MCF2L2: variants seen among roughly 807,000 people sequenced by gnomAD.
MCF2L2 encodes the protein MCF.2 cell line derived transforming sequence-like 2.
Under a neutral mutation model 150.2 loss-of-function variants are expected in MCF2L2, and 102 were observed. The ratio of observed to expected loss-of-function variants is 0.68; its 90% CI spans 0.58 to 0.80. MCF2L2 has a LOEUF of 0.80. Ranked by LOEUF, MCF2L2 falls within the 30% of genes least tolerant of loss-of-function variation. MCF2L2 has a pLI of 0.00. For missense variants in MCF2L2, 1,256 were observed against 1,372.8 expected, an observed-to-expected ratio of 0.91 and a Z score of 1.34; for synonymous variants, 465 against 491.3, an observed-to-expected ratio of 0.95 and a Z score of 0.71.
At chr3:183,395,568 T>C (rs1036191103) in intron 1 of MCF2L2, among the ~76,000 whole-genome samples, 1 of 152,170 alleles carries the variant, frequency 6.6e-6, no homozygotes. Context: ...GCCTTAAGCA[T>C]ACAGTTTGAG....
chr3:183,234,194 A>C (rs1168784488), intron 15 of MCF2L2, among the ~76,000 whole-genome samples: 1 of 143,780 alleles, frequency 7.0e-6, no homozygotes, highest in African/African-American at 2.6e-5. Flanking sequence ...GGAAAACCTG[A>C]GTACAATCAG....
In MCF2L2 at chr3:183,404,720, G is replaced by A. The variant is rs144324409; in HGVS notation, c.77-14941C>T. Among the ~76,000 whole-genome samples, 120 of 152,198 alleles carry A rather than the reference G, an allele frequency of 7.9e-4. 2 individuals carry two copies. Among genetic ancestry groups the A allele is most frequent in the African/African-American group, 2.6e-3 (107 of 41,540 alleles). On this transcript the variant is annotated intron_variant, in intron 1 of 29. Coordinates refer to ENST00000328913, the MANE Select transcript of MCF2L2 (RefSeq NM_015078.4). ...TACTAAAAATACAAAAAAATTAGCC[G>A]GGCATGGTGGTGGGCGCCTGTAATC...
At chr3:183,360,326 G>C (rs1464342690) in intron 3 of MCF2L2, among the ~76,000 whole-genome samples, 1 of 152,128 alleles carries the variant, frequency 6.6e-6, no homozygotes, top group African/African-American at 2.4e-5. Flanking sequence ...CCAGAACTCT[G>C]GGACTCTGAG....
Position 183,230,984 on chromosome 3 carries a change from C to A in MCF2L2, c.1896G>T (p.Glu632Asp). The A allele has an allele frequency of 6.2e-7, 1 of 1,613,968 alleles. No homozygotes were observed. The highest frequency in any genetic ancestry group is 1.3e-5 in the African/African-American group (1 of 75,032). Residue 632 changes from glutamate (E) to aspartate (D), a missense_variant, in exon 16 of 30, where the codon GAG becomes GAT. By Grantham distance (45) the Glu-to-Asp change is conservative. Coordinates refer to ENST00000328913, the MANE Select transcript of MCF2L2 (RefSeq NM_015078.4). ...RIIRDLLETEEIYIKEIKSII... is the reference protein window; with the variant it reads ...RIIRDLLETEDIYIKEIKSII... ...TGCTTTTAATCTCTTTTATGTAAAT[C>A]TCTTCAGTCTCAAGCAAGTCACGTA... is the stretch of plus-strand genomic sequence containing the variant.
At chr3:183,254,356 C>G (rs903607805) in intron 15 of MCF2L2, 5 of 152,044 alleles carry the variant, frequency 3.3e-5, no homozygotes, top group African/African-American at 1.2e-4. Context: ...GGAGGCCTCT[C>G]CCACCGCGGG....
chr3:183,261,721 C>T (rs1178042557), intron 15 of MCF2L2, among the ~76,000 whole-genome samples: 1 of 151,896 alleles, frequency 6.6e-6, no homozygotes. Context: ...AAAACCAGAG[C>T]TAGAATGGAA....
chr3:183,296,285 T>C (rs73884637), intron 12 of MCF2L2: 13,060 of 152,512 alleles, frequency 0.086, 1,489 homozygotes, highest in African/African-American at 0.26. Context: ...TCAAGTTATC[T>C]CCCTGCTTAA....
intron 2 of MCF2L2, among the ~76,000 whole-genome samples, chr3:183,388,645 G>A (rs1713964337): frequency 6.6e-6 from 1 of 152,176 alleles, no homozygotes; most frequent in South Asian, 2.1e-4. Context: ...CTGTATTTAT[G>A]GAGCTTTCAG....
chr3:183,188,410 T>C (rs1461060663), intron 27 of MCF2L2, among the ~76,000 whole-genome samples: 1 of 152,196 alleles, frequency 6.6e-6, no homozygotes, highest in Non-Finnish European at 1.5e-5. Flanking sequence ...ACAACTCATT[T>C]GACTTCTTGG....
chr3:183,179,355 A>C lies in MCF2L2; in HGVS notation c.*25T>G. 7.0e-7 allele frequency: 1 copy of C among 1,419,066 alleles called. No individual in the cohort carries two copies. The highest frequency in any genetic ancestry group is 9.2e-7 in the Non-Finnish European group (1 of 1,088,356). The allele number at this position is 1,419,066 out of a possible 1,614,324, so 87.9% of individuals were successfully genotyped here. A position where few individuals can be genotyped will look rare whatever the true frequency, so the allele number is the denominator to read the frequency against. ...CGGGAATGCGGGCGCTCTGGAGCCGAGGAGCGGGGGCGTCCGCAGGGAGGT... is the reference window on the plus strand; with the variant it reads ...CGGGAATGCGGGCGCTCTGGAGCCGCGGAGCGGGGGCGTCCGCAGGGAGGT... On this transcript the variant is annotated 3_prime_UTR_variant, in exon 30 of 30. Coordinates refer to ENST00000328913, the MANE Select transcript of MCF2L2 (RefSeq NM_015078.4). The surrounding 1 kb of genome is among the most constrained non-coding windows in gnomAD (Gnocchi z 4.2).
intron 22 of MCF2L2, among the ~76,000 whole-genome samples, chr3:183,215,011 AAAG>A (rs1290424069): frequency 2.0e-5 from 3 of 151,866 alleles, no homozygotes; most frequent in Admixed American, 6.6e-5. Context: ...AAACAAACAA[AAAG>A]AAGAAGAACC....
intron 1 of MCF2L2, among the ~76,000 whole-genome samples, chr3:183,409,331 G>A (rs1159402802): frequency 6.6e-6 from 1 of 152,132 alleles, no homozygotes; most frequent in Non-Finnish European, 1.5e-5. Flanking sequence ...TAAAGCAAAT[G>A]TGAGCATTCA....
At chr3:183,415,597 C>T (rs1715548014) in intron 1 of MCF2L2, among the ~76,000 whole-genome samples, 1 of 152,024 alleles carries the variant, frequency 6.6e-6, no homozygotes, top group Non-Finnish European at 1.5e-5. Context: ...ATAGATTAAG[C>T]CTTTTATCAC....
At chr3:183,302,934 C>A (rs1342349143) in intron 10 of MCF2L2, among the ~76,000 whole-genome samples, 1 of 151,488 alleles carries the variant, frequency 6.6e-6, no homozygotes, top group East Asian at 1.9e-4. Context: ...GTGGCTCACA[C>A]CAGTAATCCC....
At chr3:183,423,072 CTG>C (rs1384231873) in intron 1 of MCF2L2, among the ~76,000 whole-genome samples, 2 of 152,162 alleles carry the variant, frequency 1.3e-5, no homozygotes, top group Non-Finnish European at 2.9e-5. Context: ...CTTGAAGAGT[CTG>C]TGAACACTAG....
At position 183,391,613 on chromosome 3, in the gene MCF2L2, G is replaced by T. The variant is rs1023414884; in HGVS notation, c.77-1834C>A. Among the ~76,000 whole-genome samples the T allele has an allele frequency of 3.3e-5, 5 of 152,294 alleles. 1 individual carries two copies. Among genetic ancestry groups the T allele is most frequent in the Admixed American group, 1.3e-4 (2 of 15,292 alleles). On this transcript the variant is annotated intron_variant, in intron 1 of 29. Coordinates refer to ENST00000328913, the MANE Select transcript of MCF2L2 (RefSeq NM_015078.4). ...CTTCACTAAAACTATGCATGGGGTGGAAGTGGGGGGTAGATGAAACATGCT... is the reference window on the plus strand; with the variant it reads ...CTTCACTAAAACTATGCATGGGGTGTAAGTGGGGGGTAGATGAAACATGCT...
At chr3:183,226,933 G>T (rs972386094) in intron 18 of MCF2L2, 26 of 152,162 alleles carry the variant, frequency 1.7e-4, no homozygotes, top group African/African-American at 5.6e-4. Context: ...ATGATGAGTT[G>T]ACATGGAAAG....
At chr3:183,427,768 G>A (rs1256507265) in intron 1 of MCF2L2, 134 bp downstream of exon 1, 3 of 755,930 alleles carry the variant, frequency 4.0e-6, no homozygotes, top group Non-Finnish European at 6.8e-6. Context: ...AGAGCAGCGA[G>A]GCCCAGATGC....
chr3:183,240,325 G>A (rs1029004427), intron 15 of MCF2L2, among the ~76,000 whole-genome samples: 6 of 152,190 alleles, frequency 3.9e-5, no homozygotes, highest in Non-Finnish European at 7.3e-5. Flanking sequence ...CACCTCTCAG[G>A]TTCAAATGGT....
Sources: allele counts gnomAD v4.1 joint callset (sites outside exome capture counted in the v4.1 genomes callset), GRCh38; gene constraint gnomAD v4.1.1; non-coding constraint Gnocchi (gnomAD v3.1); transcripts MANE v1.5; gene names NCBI Gene and HGNC (gene_info 2026-07-23, HGNC 2026-07-21).